DGKH: variants seen among roughly 807,000 people sequenced by gnomAD.
The protein encoded by DGKH is diacylglycerol kinase eta, also known as DAG kinase eta.
Under a neutral mutation model 159.3 loss-of-function variants are expected in DGKH, and 90 were observed. That is an observed-to-expected ratio of 0.57 (90% confidence interval 0.48 to 0.67). DGKH has a LOEUF of 0.67. Among genes scored for constraint, DGKH ranks in the 30% least tolerant of loss-of-function variants. The probability of loss-of-function intolerance (pLI) is 0.00; values close to 1 mark genes in which losing one functional copy is unlikely to be tolerated. For missense variants in DGKH, 1,181 were observed against 1,506.1 expected (o/e 0.78, Z 3.57); for synonymous variants, 536 against 553.8 (o/e 0.97, Z 0.45).
rs986269742 is a variant in DGKH, at chr13:42,238,007, T to C, written c.*8819T>C. 1 of 152,192 alleles carries C rather than the reference T, an allele frequency of 6.6e-6. No individual in the cohort carries two copies. Among genetic ancestry groups the C allele is most frequent in the Non-Finnish European group, 1.5e-5 (1 of 68,032 alleles). 9.4% of individuals were successfully genotyped at this position (152,192 alleles called of 1,614,324 possible). ...ACAATACCTAGAGATGGGAACATGG[T>C]TTAGGTTTATCCAGTTCTGTAACTG... On this transcript the variant is annotated 3_prime_UTR_variant, in exon 30 of 30. Coordinates refer to ENST00000337343, the MANE Select transcript of DGKH (RefSeq NM_178009.5).
intron 17 of DGKH, chr13:42,195,677 C>A (rs1957188866): frequency 6.6e-6 from 1 of 152,206 alleles, no homozygotes; most frequent in African/African-American, 2.4e-5. Context: ...CAGCATTCTG[C>A]TGAATCCTTT....
intron 3 of DGKH, among the ~76,000 whole-genome samples, chr13:42,141,249 T>C (rs1955551628): frequency 6.6e-6 from 1 of 151,786 alleles, no homozygotes; most frequent in African/African-American, 2.4e-5. Context: ...TTTTTATGGC[T>C]GCATAGTATT....
Position 42,232,713 on chromosome 13 carries a change from T to C in DGKH, c.*3525T>C, listed in dbSNP as rs1958328708. 1 of 152,254 alleles carries C rather than the reference T, an allele frequency of 6.6e-6. No individual in the cohort carries two copies. The highest frequency in any genetic ancestry group is 1.5e-5 in the Non-Finnish European group (1 of 68,054). 9.4% of individuals were successfully genotyped at this position (152,254 alleles called of 1,614,324 possible). The stretch of plus-strand genomic sequence containing the variant: ...ATACTTGCTGGATAATCTAAGTGAA[T>C]TGATGGATTAGGTCATTTGGGATTG... On this transcript the variant is annotated 3_prime_UTR_variant, in exon 30 of 30. Coordinates refer to ENST00000337343, the MANE Select transcript of DGKH (RefSeq NM_178009.5).
chr13:42,059,273 G>T (rs916473097), intron 1 of DGKH, among the ~76,000 whole-genome samples: 1 of 149,764 alleles, frequency 6.7e-6, no homozygotes. Context: ...TTTTTAAGAC[G>T]GAGTCTCGCT....
Position 42,049,129 on chromosome 13 carries a change from A to T in DGKH, c.192+164A>T, listed in dbSNP as rs1217839985. On this transcript the variant is annotated intron_variant, in intron 1 of 29. Coordinates refer to ENST00000337343, the MANE Select transcript of DGKH (RefSeq NM_178009.5). Reference sequence around the variant, plus strand: ...GCGGGGAAGGCGGGGAAGGCGGGGAAGGCGGGGATGGTGAGACGGTGAGGC... The same window carrying T: ...GCGGGGAAGGCGGGGAAGGCGGGGATGGCGGGGATGGTGAGACGGTGAGGC... Among the ~76,000 whole-genome samples the T allele has an allele frequency of 5.6e-3, 173 of 31,000 alleles. 3 individuals carry two copies. The highest frequency in any genetic ancestry group is 0.018 in the African/African-American group (156 of 8,672). The allele number at this position is 31,000 out of a possible 152,430, so 20.3% of individuals were successfully genotyped here.
Position 42,093,200 on chromosome 13 carries a change from T to C in DGKH, c.193-34263T>C, listed in dbSNP as rs374674958. Among the ~76,000 whole-genome samples the C allele has an allele frequency of 1.8e-4, 27 of 150,242 alleles. 1 individual carries two copies. Among genetic ancestry groups the C allele is most frequent in the African/African-American group, 6.4e-4 (26 of 40,778 alleles). ...TGGAGGTTGCAGTGAACTGAGATCA[T>C]GCTACTGCACTCCAGCCTGGGCGTC... On this transcript the variant is annotated intron_variant, in intron 1 of 29. Transcript: ENST00000337343.
At chr13:42,114,075 A>G (rs1170174) in intron 1 of DGKH, among the ~76,000 whole-genome samples, 122,818 of 152,118 alleles carry the variant, frequency 0.81, 50,098 homozygotes, top group African/African-American at 0.89. Context: ...CTGTATACCC[A>G]TCCTCTCCAC....
chr13:42,083,393 G>A (rs897129736), intron 1 of DGKH, among the ~76,000 whole-genome samples: 1 of 152,150 alleles, frequency 6.6e-6, no homozygotes, highest in Non-Finnish European at 1.5e-5. Flanking sequence ...CTTGTAAAAT[G>A]GTGACATGCT....
At chr13:42,189,405 TA>T in intron 15 of DGKH, 96 bp downstream of exon 15, 1 of 1,493,782 alleles carries the variant, frequency 6.7e-7, no homozygotes, top group Non-Finnish European at 8.9e-7. Flanking sequence ...ACACACTTTT[TA>T]AAAATAAAAT....
intron 1 of DGKH, among the ~76,000 whole-genome samples, chr13:42,120,290 A>T (rs1325424238): frequency 6.6e-6 from 1 of 152,256 alleles, no homozygotes; most frequent in Non-Finnish European, 1.5e-5. Context: ...ATTTGAATTC[A>T]AATTAATTTT....
intron 1 of DGKH, among the ~76,000 whole-genome samples, chr13:42,115,565 G>A (rs1954950218): frequency 1.3e-5 from 2 of 152,198 alleles, no homozygotes; most frequent in African/African-American, 4.8e-5. Flanking sequence ...AGTGGAGGAC[G>A]ATATTGAGTA....
At chr13:42,242,944 AC>A (rs1340757165), downstream of DGKH, 4 of 152,210 alleles carry the variant, frequency 2.6e-5, no homozygotes, top group East Asian at 7.7e-4. Context: ...TTAAAATTAA[AC>A]TTTTAATTTT....
At chr13:42,196,061 G>A (rs1049508512) in intron 17 of DGKH, 5 of 152,146 alleles carry the variant, frequency 3.3e-5, no homozygotes, top group Admixed American at 1.3e-4. Flanking sequence ...GCTCAACATC[G>A]TTAGTCACCA....
In DGKH at chr13:42,055,628, C is replaced by G. The variant is rs115820475; in HGVS notation, c.192+6663C>G. 6.7e-3 allele frequency among the ~76,000 whole-genome samples: 1,021 copies of G among 152,302 alleles called. 11 individuals carry two copies. The highest frequency in any genetic ancestry group is 0.024 in the African/African-American group (996 of 41,554). On this transcript the variant is annotated intron_variant, in intron 1 of 29. Coordinates refer to ENST00000337343, the MANE Select transcript of DGKH (RefSeq NM_178009.5). ...AGTATAAAGGACGTGGGGCCCCGTTCTGTTTCCAGGGTACAGTGTTTTTCA... is the reference window on the plus strand; with the variant it reads ...AGTATAAAGGACGTGGGGCCCCGTTGTGTTTCCAGGGTACAGTGTTTTTCA...
At chr13:42,041,913 C>T (rs1880532137) in intron 1 of DGKH, among the ~76,000 whole-genome samples, 2 of 152,212 alleles carry the variant, frequency 1.3e-5, no homozygotes, top group African/African-American at 4.8e-5. Context: ...TCAGGCCGGC[C>T]CTCTGCCTGT....
At chr13:42,142,247 T>A (rs1185793153) in intron 3 of DGKH, among the ~76,000 whole-genome samples, 1 of 152,230 alleles carries the variant, frequency 6.6e-6, no homozygotes, top group Non-Finnish European at 1.5e-5. Flanking sequence ...TCTGTTTCAT[T>A]GGTCTATATG....
intron 1 of DGKH, among the ~76,000 whole-genome samples, chr13:42,117,945 T>C (rs1179435645): frequency 1.3e-5 from 2 of 152,040 alleles, no homozygotes; most frequent in Admixed American, 6.6e-5. Context: ...CGGCCAGGCG[T>C]GGTGGCTCAC....
At chr13:42,165,199 A>AT in intron 7 of DGKH, 132 bp from the exon 8 acceptor site, 1 of 475,418 alleles carries the variant, frequency 2.1e-6, no homozygotes. Flanking sequence ...ATGTTATACC[A>AT]TTTAAAGTAG....
intron 22 of DGKH, 109 bp downstream of exon 22, chr13:42,209,181 T>G: frequency 7.4e-7 from 1 of 1,356,970 alleles, no homozygotes; most frequent in Non-Finnish European, 1.0e-6. Flanking sequence ...ATTCTGACTT[T>G]GTTGTCATAT....
Sources: gnomAD v4.1 joint callset for allele counts (sites outside exome capture counted in the v4.1 genomes callset) on GRCh38, gnomAD v4.1.1 for gene constraint, MANE v1.5 for transcripts, NCBI Gene and HGNC (gene_info 2026-07-23, HGNC 2026-07-21) for gene names.